Variants in SFSWAP observed in about 807,000 individuals in gnomAD.
The protein encoded by SFSWAP is splicing factor SWAP.
In SFSWAP, 17 loss-of-function variants were observed where a neutral mutation model predicts 100.7. That is an observed-to-expected ratio of 0.17 (90% CI 0.12 to 0.25). The LOEUF is 0.25. Among genes scored for constraint, SFSWAP ranks in the 10% least tolerant of loss-of-function variants. The pLI, the probability that SFSWAP is intolerant of heterozygous loss-of-function variation, is 1.00. For synonymous variants in SFSWAP, 504 were observed against 510.1 expected, an observed-to-expected ratio of 0.99 and a Z score of 0.16; for missense variants, 1,005 against 1,262.6, an observed-to-expected ratio of 0.80 and a Z score of 3.09.
intron 5 of SFSWAP, among the ~76,000 whole-genome samples, 156 bp from the exon 6 acceptor site, chr12:131,726,784 T>G (rs1027727428): frequency 2.0e-5 from 3 of 152,262 alleles, no homozygotes; most frequent in Non-Finnish European, 4.4e-5. Context: ...TCTGGCCTTC[T>G]TCTGGACAAC....
In SFSWAP at chr12:131,766,089, T is replaced by G. The variant is rs372914916; in HGVS notation, c.1952-29T>G. ...AGATAAAATACTGTTTGCTCTAAAC[T>G]TCTCTTTTTTCTTTGTTTATTCCTT... On this transcript the variant is annotated intron_variant, in intron 12 of 17. Transcript: ENST00000261674. 20 of 1,578,034 alleles carry G rather than the reference T, an allele frequency of 1.3e-5. No homozygotes were observed. The African/African-American group carries it at 2.6e-4, about 21-fold the overall frequency.
At chr12:131,787,716 G>A (rs1216460501) in intron 15 of SFSWAP, among the ~76,000 whole-genome samples, 4 of 152,102 alleles carry the variant, frequency 2.6e-5, no homozygotes, top group African/African-American at 7.2e-5. Context: ...CTCCTGGGAC[G>A]GATGGTCCCA....
At chr12:131,792,214 C>T (rs1037841786) in intron 15 of SFSWAP, among the ~76,000 whole-genome samples, 6 of 149,838 alleles carry the variant, frequency 4.0e-5, no homozygotes, top group Non-Finnish European at 8.8e-5. Context: ...TGTGTGTTCA[C>T]GGATCATTAC....
intron 7 of SFSWAP, among the ~76,000 whole-genome samples, chr12:131,742,088 CCTAGATTGGATTTCCTT>C (rs1327654948): frequency 6.6e-6 from 1 of 152,100 alleles, no homozygotes; most frequent in Non-Finnish European, 1.5e-5. Flanking sequence ...CTAAAAATGT[CCTAGATTGGATTTCCTT>C]CCCCCAGTGA....
At chr12:131,760,898 C>G (rs1468299136) in intron 11 of SFSWAP, among the ~76,000 whole-genome samples, 1 of 152,112 alleles carries the variant, frequency 6.6e-6, no homozygotes, top group East Asian at 1.9e-4. Context: ...ATGGTGAAAC[C>G]CTGTCTCTAC....
At chr12:131,762,136 G>A (rs917200341) in intron 11 of SFSWAP, among the ~76,000 whole-genome samples, 1 of 152,202 alleles carries the variant, frequency 6.6e-6, no homozygotes, top group African/African-American at 2.4e-5. Flanking sequence ...AAGAGGCTGA[G>A]GCAGGAGAAT....
chr12:131,781,323 T>C (rs1884489136), intron 14 of SFSWAP, among the ~76,000 whole-genome samples: 2 of 151,042 alleles, frequency 1.3e-5, no homozygotes, highest in East Asian at 3.9e-4. Context: ...CTGCAAGCTC[T>C]GCCTCCCGGG....
At chr12:131,740,928 G>A (rs1157310652) in intron 7 of SFSWAP, among the ~76,000 whole-genome samples, 1 of 149,610 alleles carries the variant, frequency 6.7e-6, no homozygotes, top group Non-Finnish European at 1.5e-5. Flanking sequence ...TTAATTGATG[G>A]ATACGAGGCT....
At chr12:131,749,467 C>T (rs982833364) in intron 7 of SFSWAP, among the ~76,000 whole-genome samples, 2 of 152,162 alleles carry the variant, frequency 1.3e-5, no homozygotes, top group African/African-American at 4.8e-5. Context: ...TGTACTAGTC[C>T]AGAAATTCTT....
chr12:131,750,314 CTG>C (rs1268621114), intron 7 of SFSWAP, among the ~76,000 whole-genome samples: 1 of 152,246 alleles, frequency 6.6e-6, no homozygotes, highest in Non-Finnish European at 1.5e-5. Context: ...CCCACATTCT[CTG>C]TCGGCAGACA....
chr12:131,769,386 A>G (rs1361624198), intron 13 of SFSWAP, among the ~76,000 whole-genome samples: 2 of 152,114 alleles, frequency 1.3e-5, no homozygotes, highest in Non-Finnish European at 2.9e-5. Context: ...GCAGCGGGTA[A>G]AGGGGTTAAT....
intron 7 of SFSWAP, among the ~76,000 whole-genome samples, chr12:131,748,960 G>A (rs1212229460): frequency 6.6e-6 from 1 of 152,194 alleles, no homozygotes; most frequent in Non-Finnish European, 1.5e-5. Context: ...AAAATCCTAA[G>A]AACAGCAACA....
At chr12:131,735,533 A>G (rs1034091818) in intron 7 of SFSWAP, among the ~76,000 whole-genome samples, 1 of 152,242 alleles carries the variant, frequency 6.6e-6, no homozygotes, top group Admixed American at 6.5e-5. Flanking sequence ...TGATACTGCC[A>G]TCGAAGGTCT....
At chr12:131,716,039 A>C (rs1877879444) in intron 3 of SFSWAP, among the ~76,000 whole-genome samples, 1 of 152,170 alleles carries the variant, frequency 6.6e-6, no homozygotes, top group African/African-American at 2.4e-5. Context: ...CAATTATAGC[A>C]CTTTAGTAGT....
intron 7 of SFSWAP, among the ~76,000 whole-genome samples, chr12:131,747,468 G>A (rs1045110867): frequency 5.3e-5 from 8 of 152,240 alleles, no homozygotes; most frequent in Non-Finnish European, 8.8e-5. Flanking sequence ...AGGAGAAGCA[G>A]GCAGGTGGGT....
intron 14 of SFSWAP, among the ~76,000 whole-genome samples, chr12:131,780,439 G>T (rs1884406462): frequency 6.6e-6 from 1 of 152,304 alleles, no homozygotes. Flanking sequence ...TCACTTTGAG[G>T]CCTGGAGTTC....
intron 7 of SFSWAP, among the ~76,000 whole-genome samples, chr12:131,741,532 G>T (rs1376310701): frequency 6.6e-6 from 1 of 151,866 alleles, no homozygotes; most frequent in Admixed American, 6.6e-5. Flanking sequence ...AGCTGCTGGG[G>T]AGAGTGAGGT....
rs533213464 is a variant in SFSWAP, at chr12:131,728,044, G to A, written c.946-249G>A. On this transcript the variant is annotated intron_variant, in intron 6 of 17. Transcript: ENST00000261674. ...TCACACTTTAATTGGTGTCAAACTA[G>A]TCTTAGTTGTTCGTCTGTCCTTTTC... Among the ~76,000 whole-genome samples, 3 of 152,296 alleles carry A rather than the reference G, an allele frequency of 2.0e-5. No individual in the cohort carries two copies. In the East Asian group the frequency reaches 5.8e-4, roughly 29 times the overall value.
intron 3 of SFSWAP, among the ~76,000 whole-genome samples, chr12:131,717,002 C>T (rs1056052048): frequency 2.0e-5 from 3 of 152,086 alleles, no homozygotes; most frequent in African/African-American, 7.2e-5. Context: ...CAGAACATTG[C>T]CTTATATACT....
Sources: allele counts gnomAD v4.1 joint callset (sites outside exome capture counted in the v4.1 genomes callset), GRCh38; gene constraint gnomAD v4.1.1; transcripts MANE v1.5; gene names NCBI Gene and HGNC (gene_info 2026-07-23, HGNC 2026-07-21).